DCDC2: variants seen among roughly 807,000 people sequenced by gnomAD.
DCDC2 encodes the protein doublecortin domain containing 2.
DCDC2 carries 40 observed loss-of-function variants against 50.2 expected under a neutral mutation model. That is an observed-to-expected ratio of 0.80 (90% CI 0.62 to 1.04). The LOEUF (loss-of-function observed/expected upper bound fraction) is 1.04. DCDC2 is among the 50% of genes least tolerant of loss of function. The pLI, the probability that DCDC2 is intolerant of heterozygous loss-of-function variation, is 0.00. For missense variants in DCDC2, 570 were observed against 581.9 expected (o/e 0.98, Z 0.21); for synonymous variants, 234 against 210.6 (o/e 1.11, Z -0.96).
intron 7 of DCDC2, among the ~76,000 whole-genome samples, chr6:24,261,775 T>C (rs1450718448): frequency 6.6e-6 from 1 of 152,204 alleles, no homozygotes; most frequent in Non-Finnish European, 1.5e-5. Flanking sequence ...AGCATAGCTT[T>C]TGGTGAAACC....
At chr6:24,247,945 G>A (rs1005494043) in intron 7 of DCDC2, among the ~76,000 whole-genome samples, 45 of 152,188 alleles carry the variant, frequency 3.0e-4, no homozygotes, top group East Asian at 7.7e-4. Flanking sequence ...GTATGGTGGC[G>A]GATGCCTGTA....
chr6:24,240,643 C>T (rs1762545078), intron 7 of DCDC2, among the ~76,000 whole-genome samples: 1 of 152,084 alleles, frequency 6.6e-6, no homozygotes, highest in African/African-American at 2.4e-5. Flanking sequence ...CAAAGTAATA[C>T]AAAAGGGCTA....
chr6:24,261,007 C>T (rs1762996577), intron 7 of DCDC2, among the ~76,000 whole-genome samples: 1 of 152,194 alleles, frequency 6.6e-6, no homozygotes, highest in Non-Finnish European at 1.5e-5. Flanking sequence ...GCTCCTAATA[C>T]ATTCTTTGTC....
intron 7 of DCDC2, among the ~76,000 whole-genome samples, chr6:24,252,648 G>A (rs1452713041): frequency 3.3e-5 from 5 of 152,132 alleles, no homozygotes; most frequent in African/African-American, 1.2e-4. Flanking sequence ...GTGAGGGGAG[G>A]ATGAGCCTAG....
chr6:24,340,629 T>C (rs962136620), intron 2 of DCDC2, among the ~76,000 whole-genome samples: 2 of 152,222 alleles, frequency 1.3e-5, no homozygotes, highest in African/African-American at 4.8e-5. Context: ...TATCCACTCG[T>C]TTCTAAGAAA....
At chr6:24,371,276 C>CAAAAAAAAAAAAA in the DCDC2 span, among the ~76,000 whole-genome samples, 1 of 102,048 alleles carries the variant, frequency 9.8e-6, no homozygotes, top group Non-Finnish European at 2.0e-5. Context: ...CACTCCATCT[C>CAAAAAAAAAAAAA]AAAAAAAAAA....
At chr6:24,210,399 G>C (rs1761841026) in intron 7 of DCDC2, among the ~76,000 whole-genome samples, 1 of 152,014 alleles carries the variant, frequency 6.6e-6, no homozygotes, top group African/African-American at 2.4e-5. Context: ...ACACAACTCT[G>C]GTTCCCCACC....
chr6:24,289,366 G>A (rs1416628644), intron 5 of DCDC2, among the ~76,000 whole-genome samples: 1 of 152,118 alleles, frequency 6.6e-6, no homozygotes, highest in Non-Finnish European at 1.5e-5. Context: ...TAAACAAGTC[G>A]TCCTCACCAA....
At chr6:24,224,210 A>G (rs951921659) in intron 7 of DCDC2, among the ~76,000 whole-genome samples, 4 of 151,930 alleles carry the variant, frequency 2.6e-5, no homozygotes, top group African/African-American at 9.7e-5. Flanking sequence ...TCATTCGTTC[A>G]TTCATTAATT....
At chr6:24,215,719 G>A (rs867185992) in intron 7 of DCDC2, among the ~76,000 whole-genome samples, 1 of 152,198 alleles carries the variant, frequency 6.6e-6, no homozygotes, top group Non-Finnish European at 1.5e-5. Context: ...ATGCCATGAT[G>A]GGTCAGGACG....
At chr6:24,372,276 C>T in the DCDC2 span, among the ~76,000 whole-genome samples, 1 of 152,062 alleles carries the variant, frequency 6.6e-6, no homozygotes, top group African/African-American at 2.4e-5. Flanking sequence ...AAAAATTAGC[C>T]AGGCATGGTG....
intron 2 of DCDC2, among the ~76,000 whole-genome samples, chr6:24,353,063 C>T (rs1760401709): frequency 2.0e-5 from 3 of 152,190 alleles, no homozygotes; most frequent in Admixed American, 2.0e-4. Flanking sequence ...CTTTCACGAA[C>T]TATGCTTAAC....
chr6:24,209,855 C>T (rs147687661), intron 7 of DCDC2, among the ~76,000 whole-genome samples: 5 of 152,236 alleles, frequency 3.3e-5, no homozygotes, highest in Admixed American at 6.5e-5. Context: ...TCTAGAGTCA[C>T]GGTCTCATCC....
chr6:24,292,517 T>A (rs1480410644), intron 4 of DCDC2, among the ~76,000 whole-genome samples: 1 of 152,260 alleles, frequency 6.6e-6, no homozygotes, highest in Non-Finnish European at 1.5e-5. Flanking sequence ...TATAACATTG[T>A]ACCTCTACTC....
intron 7 of DCDC2, among the ~76,000 whole-genome samples, chr6:24,269,356 T>C (rs940763998): frequency 6.6e-6 from 1 of 152,202 alleles, no homozygotes; most frequent in African/African-American, 2.4e-5. Flanking sequence ...AAAATGTCAA[T>C]GCTTGCAACA....
intron 2 of DCDC2, among the ~76,000 whole-genome samples, chr6:24,318,472 G>C (rs1436894135): frequency 1.3e-5 from 2 of 152,056 alleles, no homozygotes; most frequent in Non-Finnish European, 2.9e-5. Context: ...GCATAGTGGT[G>C]AAGTTTGGAC....
At position 24,347,137 on chromosome 6, in the gene DCDC2, A is replaced by G. The variant is rs1245894832; in HGVS notation, c.348+6432T>C. 2.0e-5 allele frequency among the ~76,000 whole-genome samples: 3 copies of G among 152,356 alleles called. No homozygotes were observed. The East Asian group carries it at 5.8e-4, about 29-fold the overall frequency. ...GGAATTAGGTGTTTATTACTCTTCAAAAATTAATCCCATTATCCTCTGACT... is the reference window on the plus strand; with the variant it reads ...GGAATTAGGTGTTTATTACTCTTCAGAAATTAATCCCATTATCCTCTGACT... On this transcript the variant is annotated intron_variant, in intron 2 of 9. Coordinates refer to ENST00000378454, the MANE Select transcript of DCDC2 (RefSeq NM_016356.5).
intron 9 of DCDC2, among the ~76,000 whole-genome samples, chr6:24,177,757 A>C (rs1174620279): frequency 6.6e-6 from 1 of 152,226 alleles, no homozygotes; most frequent in Non-Finnish European, 1.5e-5. Context: ...TATTTTCACC[A>C]CATATTTCTT....
At chr6:24,381,959 A>AGGAAGGAAGGAAG in the DCDC2 span, among the ~76,000 whole-genome samples, 232 of 103,688 alleles carry the variant, frequency 2.2e-3, 5 homozygotes, top group Non-Finnish European at 3.7e-3. Context: ...AAGGAAAGAA[A>AGGAAGGAAGGAAG]GAAGGAAGGA....
Sources: allele counts gnomAD v4.1 joint callset (sites outside exome capture counted in the v4.1 genomes callset), GRCh38; gene constraint gnomAD v4.1.1; transcripts MANE v1.5; gene names NCBI Gene and HGNC (gene_info 2026-07-23, HGNC 2026-07-21).